UTRN: variants seen among roughly 807,000 people sequenced by gnomAD.
UTRN encodes utrophin.
UTRN carries 283 observed loss-of-function variants against 463.9 expected under a neutral mutation model. The ratio of observed to expected loss-of-function variants is 0.61; its 90% CI spans 0.55 to 0.67. UTRN has a LOEUF of 0.67. Among genes scored for constraint, UTRN ranks in the 30% least tolerant of loss-of-function variants. UTRN has a pLI of 0.00. For synonymous variants in UTRN, 1,442 were observed against 1,431.5 expected (o/e 1.01, Z -0.17); for missense variants, 3,922 against 4,084.3 (o/e 0.96, Z 1.08).
intron 51 of UTRN, among the ~76,000 whole-genome samples, chr6:144,626,034 A>G (rs1775908848): frequency 6.6e-6 from 1 of 152,226 alleles, no homozygotes; most frequent in Non-Finnish European, 1.5e-5. Context: ...CACAGAAATT[A>G]GGGGCTGACA....
chr6:144,507,614 C>T (rs1562500773), intron 34 of UTRN, among the ~76,000 whole-genome samples: 1 of 152,156 alleles, frequency 6.6e-6, no homozygotes, highest in Admixed American at 6.5e-5. Context: ...GCAAAGATTG[C>T]TCCCTGCTCC....
chr6:144,551,142 C>CACAG (rs1798874921), intron 48 of UTRN, 60 bp downstream of exon 48: 1 of 698,364 alleles, frequency 1.4e-6, no homozygotes, highest in Non-Finnish European at 2.2e-6. Flanking sequence ...TGGTGACACA[C>CACAG]ACACACACAC....
intron 41 of UTRN, among the ~76,000 whole-genome samples, chr6:144,528,928 A>T (rs1050906195): frequency 1.3e-5 from 2 of 152,204 alleles, no homozygotes; most frequent in Non-Finnish European, 2.9e-5. Flanking sequence ...CAGGTTGGGC[A>T]GGGTTAGGTG....
At chr6:144,733,827 C>T (rs1271937678) in intron 54 of UTRN, among the ~76,000 whole-genome samples, 1 of 152,164 alleles carries the variant, frequency 6.6e-6, no homozygotes, top group Non-Finnish European at 1.5e-5. Context: ...CTGCTCAGGT[C>T]TCAGCCCAGT....
intron 52 of UTRN, among the ~76,000 whole-genome samples, chr6:144,699,297 G>A (rs1484139358): frequency 6.6e-6 from 1 of 151,902 alleles, no homozygotes; most frequent in Non-Finnish European, 1.5e-5. Context: ...AATTAACCGG[G>A]CATGGTGGCA....
chr6:144,551,468 T>G (rs977979805), intron 48 of UTRN, among the ~76,000 whole-genome samples: 1 of 152,244 alleles, frequency 6.6e-6, no homozygotes, highest in Non-Finnish European at 1.5e-5. Flanking sequence ...TTACTGTGTC[T>G]TTTAACTCAA....
intron 25 of UTRN, among the ~76,000 whole-genome samples, chr6:144,477,293 C>T (rs540868911): frequency 3.9e-5 from 6 of 152,198 alleles, no homozygotes; most frequent in Admixed American, 3.3e-4. Flanking sequence ...CCCACAGTCA[C>T]GTAAATAGTA....
chr6:144,340,947 G>C (rs7755848), intron 2 of UTRN, among the ~76,000 whole-genome samples: 2,344 of 152,308 alleles, frequency 0.015, 64 homozygotes, highest in African/African-American at 0.054. Context: ...CTTTGCACTT[G>C]TGTGTGTTCA....
In UTRN at chr6:144,433,395, T is replaced by G. The variant is rs1290895142; in HGVS notation, c.856-2540T>G. ...CCACCTCCCTCCCGGACGGGGTGGC[T>G]GCCGGGCGGAGACGCTCCTCACTTC... On this transcript the variant is annotated intron_variant, in intron 9 of 74. Transcript: ENST00000367545. 6.0e-5 allele frequency among the ~76,000 whole-genome samples: 9 copies of G among 151,072 alleles called. No individual in the cohort carries two copies. In the South Asian group the frequency reaches 1.9e-3, roughly 32 times the overall value.
In UTRN at chr6:144,851,859, G is replaced by T. The variant is rs1204697108; in HGVS notation, c.*862G>T. 1 of 152,234 alleles carries T rather than the reference G, an allele frequency of 6.6e-6. No individual in the cohort carries two copies. Among genetic ancestry groups the T allele is most frequent in the East Asian group, 1.9e-4 (1 of 5,184 alleles). The allele number at this position is 152,234 out of a possible 1,614,324, so 9.4% of individuals were successfully genotyped here. A position where few individuals can be genotyped will look rare whatever the true frequency, so the allele number is the denominator to read the frequency against. ...AATCTCAAAGATCATATTACCAAAG[G>T]TTGCCCACTTGAGCATATTTTCATT... is the stretch of plus-strand genomic sequence containing the variant. On this transcript the variant is annotated 3_prime_UTR_variant, in exon 75 of 75. Coordinates refer to ENST00000367545, the MANE Select transcript of UTRN (RefSeq NM_007124.3).
intron 2 of UTRN, among the ~76,000 whole-genome samples, chr6:144,293,726 GT>G (rs1419119968): frequency 6.6e-6 from 1 of 152,206 alleles, no homozygotes; most frequent in East Asian, 1.9e-4. Context: ...ACAAAAGGAT[GT>G]TATGGTCAAA....
intron 2 of UTRN, among the ~76,000 whole-genome samples, chr6:144,308,728 C>T (rs1397475911): frequency 1.3e-5 from 2 of 152,170 alleles, no homozygotes; most frequent in Non-Finnish European, 2.9e-5. Flanking sequence ...TCCTCCTTTA[C>T]TTACTCAAAG....
At chr6:144,522,239 T>G (rs1004109946) in intron 40 of UTRN, 68 bp downstream of exon 40, 2 of 1,288,848 alleles carry the variant, frequency 1.6e-6, no homozygotes, top group Non-Finnish European at 2.0e-6. Context: ...AATTTGTTCT[T>G]GTGCCTACTT....
At chr6:144,736,888 C>T (rs1789474495) in intron 54 of UTRN, among the ~76,000 whole-genome samples, 1 of 152,202 alleles carries the variant, frequency 6.6e-6, no homozygotes. Context: ...TCCCAGTTTT[C>T]TGCCTGTAGG....
chr6:144,821,947 C>T (rs1779642347), intron 66 of UTRN, among the ~76,000 whole-genome samples: 1 of 151,962 alleles, frequency 6.6e-6, no homozygotes, highest in Non-Finnish European at 1.5e-5. Context: ...GACACCGTCT[C>T]AGATGACTAG....
At chr6:144,669,284 T>G (rs1297949594) in intron 51 of UTRN, among the ~76,000 whole-genome samples, 3 of 152,224 alleles carry the variant, frequency 2.0e-5, no homozygotes, top group Admixed American at 2.0e-4. Flanking sequence ...CTCAGAGAAG[T>G]ATAGAGATGA....
At chr6:144,317,515 A>G (rs1402592113) in intron 2 of UTRN, among the ~76,000 whole-genome samples, 1 of 151,708 alleles carries the variant, frequency 6.6e-6, no homozygotes, top group African/African-American at 2.4e-5. Flanking sequence ...TCCTGCCTCT[A>G]CCTCCTAAAT....
chr6:144,745,990 C>T (rs989948037), intron 54 of UTRN, among the ~76,000 whole-genome samples: 1 of 150,918 alleles, frequency 6.6e-6, no homozygotes, highest in African/African-American at 2.4e-5. Flanking sequence ...ATATATTCAT[C>T]ATTTTTTAGA....
chr6:144,840,822 AT>A lies in UTRN; in HGVS notation c.10261del (p.Ser3421LeufsTer24), dbSNP rs1562972743. On this transcript the variant is annotated frameshift_variant, in exon 73 of 75. Transcript: ENST00000367545. LOFTEE classifies it high-confidence loss of function. ...VMEQIHSTFP[S>X]CCPNVPSRPQ... ...TGGAGCAGATTCACAGCACGTTTCC[AT>A]CTTGCTGCCGTGAGTATGAAAGATT... The A allele has an allele frequency of 1.9e-6, 3 of 1,614,014 alleles. No individual in the cohort carries two copies. The African/African-American group carries it at 4.0e-5, about 22-fold the overall frequency.
Sources: gnomAD v4.1 joint callset for allele counts (sites outside exome capture counted in the v4.1 genomes callset) on GRCh38, gnomAD v4.1.1 for gene constraint, MANE v1.5 for transcripts, NCBI Gene and HGNC (gene_info 2026-07-23, HGNC 2026-07-21) for gene names.